Variants in SORL1 observed in about 807,000 individuals in gnomAD.
The protein encoded by SORL1 is sortilin related receptor 1.
In SORL1, 127 loss-of-function variants were observed where a neutral mutation model predicts 273.7. The observed-to-expected ratio is 0.46, with a 90% confidence interval of 0.40 to 0.54. SORL1 has a LOEUF of 0.54. SORL1 is among the 20% of genes least tolerant of loss of function. The pLI, the probability that SORL1 is intolerant of heterozygous loss-of-function variation, is 0.00. For missense variants in SORL1, 2,494 were observed against 2,846.1 expected, an observed-to-expected ratio of 0.88 and a Z score of 2.81; for synonymous variants, 1,031 against 1,067.4, an observed-to-expected ratio of 0.97 and a Z score of 0.66.
At chr11:121,530,908 A>C (rs1233788895) in intron 11 of SORL1, among the ~76,000 whole-genome samples, 3 of 152,158 alleles carry the variant, frequency 2.0e-5, no homozygotes, top group African/African-American at 2.4e-5. Context: ...AAGTTCACTA[A>C]TTCCTTTGTC....
intron 12 of SORL1, among the ~76,000 whole-genome samples, chr11:121,533,970 C>G (rs1862235432): frequency 6.6e-6 from 1 of 152,218 alleles, no homozygotes; most frequent in Admixed American, 6.5e-5. Context: ...CACAGTACTT[C>G]CCACATTTGT....
chr11:121,602,159 C>A (rs555199319), intron 32 of SORL1, among the ~76,000 whole-genome samples: 1 of 152,142 alleles, frequency 6.6e-6, no homozygotes, highest in Non-Finnish European at 1.5e-5. Context: ...CTTGAATACA[C>A]GTTTATTTGT....
At chr11:121,488,216 G>T (rs1215104620) in intron 4 of SORL1, 23 bp downstream of exon 4, 1 of 1,611,022 alleles carries the variant, frequency 6.2e-7, no homozygotes, top group South Asian at 1.1e-5. Context: ...TCAGAACCCA[G>T]TTGCATGGGG....
intron 22 of SORL1, among the ~76,000 whole-genome samples, chr11:121,568,498 C>G (rs1862784937): frequency 6.6e-6 from 1 of 152,088 alleles, no homozygotes; most frequent in Non-Finnish European, 1.5e-5. Context: ...GTTTGCCAAA[C>G]TATACATTTT....
intron 5 of SORL1, among the ~76,000 whole-genome samples, chr11:121,494,568 T>C (rs561870410): frequency 1.3e-5 from 2 of 152,280 alleles, no homozygotes; most frequent in South Asian, 4.1e-4. Flanking sequence ...AGGATTGGAA[T>C]TTCTCAATGA....
chr11:121,562,837 A>G (rs1408058193), intron 21 of SORL1, among the ~76,000 whole-genome samples: 1 of 152,226 alleles, frequency 6.6e-6, no homozygotes, highest in Admixed American at 6.5e-5. Context: ...GAAATTGTAA[A>G]GAAAGAAAAA....
chr11:121,621,195 A>C lies in SORL1; in HGVS notation c.6021A>C (p.Gln2007His), dbSNP rs141089496. 1 of 1,614,208 alleles carries C rather than the reference A, an allele frequency of 6.2e-7. No homozygotes were observed. Among genetic ancestry groups the C allele is most frequent in the Non-Finnish European group, 8.5e-7 (1 of 1,180,012 alleles). The change falls in exon 44 of 48, where the codon CAA (glutamine) becomes CAC (histidine). Residue 2007 changes from glutamine (Q) to histidine (H), a missense_variant. Gln to His is a conservative substitution (Grantham distance 24). Coordinates refer to ENST00000260197, the MANE Select transcript of SORL1 (RefSeq NM_003105.6). ...EPGGKYHIIV[Q>H]LGNMSKDSSI... ...GCGGGAAATACCACATCATTGTCCA[A>C]CTGGGGAACATGAGCAAAGATTCCA...
chr11:121,537,373 A>G (rs971937675), intron 12 of SORL1, among the ~76,000 whole-genome samples: 1 of 152,182 alleles, frequency 6.6e-6, no homozygotes, highest in Non-Finnish European at 1.5e-5. Flanking sequence ...ACTGGAGGTG[A>G]GAGCTGATGC....
At position 121,596,829 on chromosome 11, in the gene SORL1, T is replaced by C. The variant is rs1863303143; in HGVS notation, c.4519+1057T>C. ...CACTTTGATCCCTGTTCTGGTCCCA[T>C]TTTTTTTTTAATCTTAAAATAATGA... is the stretch of plus-strand genomic sequence containing the variant. On this transcript the variant is annotated intron_variant, in intron 32 of 47. Transcript: ENST00000260197. The surrounding 1 kb of genome is among the most constrained non-coding windows in gnomAD (Gnocchi z 4.3). Among the ~76,000 whole-genome samples, 1 of 149,106 alleles carries C rather than the reference T, an allele frequency of 6.7e-6. No homozygotes were observed. Among genetic ancestry groups the C allele is most frequent in the African/African-American group, 2.5e-5 (1 of 40,548 alleles).
At chr11:121,486,784 ACT>A (rs1476275186) in intron 3 of SORL1, among the ~76,000 whole-genome samples, 1 of 151,852 alleles carries the variant, frequency 6.6e-6, no homozygotes, top group Non-Finnish European at 1.5e-5. Context: ...CGGCGGTGAG[ACT>A]CTGTTTCTAC....
chr11:121,607,432 G>A (rs1236571670), intron 37 of SORL1, 142 bp downstream of exon 37: 1 of 502,418 alleles, frequency 2.0e-6, no homozygotes, highest in Non-Finnish European at 3.6e-6. Context: ...CCCTGGGACG[G>A]GGGAGCTCAG....
Position 121,604,387 on chromosome 11 carries a change from G to A in SORL1, c.4651+63G>A, listed in dbSNP as rs565136970. ...GGCTGGGAGGCTCGCTTACCCCAGGGCCCCTCCTGTGTAGACCTTGAGCTA... is the reference window on the plus strand; with the variant it reads ...GGCTGGGAGGCTCGCTTACCCCAGGACCCCTCCTGTGTAGACCTTGAGCTA... On this transcript the variant is annotated intron_variant, in intron 33 of 47. Coordinates refer to ENST00000260197, the MANE Select transcript of SORL1 (RefSeq NM_003105.6). The A allele has an allele frequency of 2.0e-5, 31 of 1,588,488 alleles. No homozygotes were observed. In the East Asian group the frequency reaches 6.7e-4, roughly 35 times the overall value.
chr11:121,561,083 A>T (rs1055007706), intron 21 of SORL1, among the ~76,000 whole-genome samples: 4 of 152,130 alleles, frequency 2.6e-5, no homozygotes, highest in African/African-American at 7.2e-5. Flanking sequence ...AGCAGAGTGG[A>T]TTTTTAGTAT....
In SORL1 at chr11:121,588,081, C is replaced by T. The variant is rs936641371; in HGVS notation, c.3876C>T (p.His1292=). The T allele has an allele frequency of 1.9e-6, 3 of 1,613,966 alleles. No individual in the cohort carries two copies. Among genetic ancestry groups the T allele is most frequent in the Non-Finnish European group, 2.5e-6 (3 of 1,179,908 alleles). Residue 1292 remains histidine (H), a synonymous_variant, in exon 28 of 48, where the codon CAC becomes CAT. Coordinates refer to ENST00000260197, the MANE Select transcript of SORL1 (RefSeq NM_003105.6). ...AGAACCGCCAGCAGTGCCTGTTCCA[C>T]TCCATGGTCTGTGACGGAATCATCC... ...VCKNRQQCLF[H]SMVCDGIIQC...
At chr11:121,514,357 G>C (rs1404272612) in intron 8 of SORL1, 36 bp downstream of exon 8, 3 of 1,580,866 alleles carry the variant, frequency 1.9e-6, no homozygotes, top group Non-Finnish European at 2.6e-6. Context: ...TGCCTTCTTA[G>C]GCCAACACAA....
At chr11:121,500,295 A>T (rs1313116722) in intron 6 of SORL1, among the ~76,000 whole-genome samples, 1 of 152,210 alleles carries the variant, frequency 6.6e-6, no homozygotes, top group Non-Finnish European at 1.5e-5. Flanking sequence ...CCAGATTAAG[A>T]TTATCATGCA....
chr11:121,487,614 A>C (rs1212228001), intron 3 of SORL1, among the ~76,000 whole-genome samples: 2 of 152,194 alleles, frequency 1.3e-5, no homozygotes, highest in Non-Finnish European at 2.9e-5. Flanking sequence ...GGGAGACTCA[A>C]CCATCCCATC....
At chr11:121,624,565 A>C (rs1409938668) in intron 45 of SORL1, among the ~76,000 whole-genome samples, 1 of 152,186 alleles carries the variant, frequency 6.6e-6, no homozygotes, top group African/African-American at 2.4e-5. Flanking sequence ...GCTCAGAAGG[A>C]GCTAGAGAGC....
rs367873819 is a variant in SORL1 at position 121,607,226 on chromosome 11, A to G, written c.5102A>G (p.Gln1701Arg). 3.0e-5 allele frequency: 48 copies of G among 1,612,828 alleles called. No homozygotes were observed. The highest frequency in any genetic ancestry group is 3.8e-5 in the Non-Finnish European group (45 of 1,178,930). ...SRSGSKMWAS[Q>R]RAASNFTEIK... Reference sequence around the variant, plus strand: ...AGTGGTTCCAAGATGTGGGCCTCCCAGAGGGCTGCTAGTAACTTTACAGAA... The same window carrying G: ...AGTGGTTCCAAGATGTGGGCCTCCCGGAGGGCTGCTAGTAACTTTACAGAA... The change falls in exon 37 of 48, where the codon CAG (glutamine) becomes CGG (arginine). Residue 1701 changes from glutamine to arginine, a missense_variant. Around this residue, in one of 3 missense-constraint regions of SORL1, gnomAD observed 1,609 missense variants for 1,816.4 expected, o/e 0.89. Transcript: ENST00000260197.
Sources: gnomAD v4.1 joint callset for allele counts (sites outside exome capture counted in the v4.1 genomes callset) on GRCh38, gnomAD v4.1.1 for gene constraint, gnomAD v4.1.1 regional missense constraint, Gnocchi (gnomAD v3.1) non-coding constraint, MANE v1.5 for transcripts, NCBI Gene and HGNC (gene_info 2026-07-23, HGNC 2026-07-21) for gene names.